Variants in LRRTM4 observed in about 807,000 individuals in gnomAD.
LRRTM4 encodes leucine-rich repeat transmembrane neuronal protein 4.
A neutral mutation model predicts 47.6 loss-of-function variants in LRRTM4; 25 were observed. The observed-to-expected ratio is 0.53, with a 90% CI of 0.38 to 0.73. The LOEUF is 0.73. Ranked by LOEUF, LRRTM4 falls within the 30% of genes least tolerant of loss-of-function variation. The pLI is 0.00. For synonymous variants in LRRTM4, 311 were observed against 269.5 expected (o/e 1.15, Z -1.51); for missense variants, 638 against 713.4 (o/e 0.89, Z 1.20).
chr2:77,109,704 A>G (rs1671194883), intron 3 of LRRTM4, among the ~76,000 whole-genome samples: 1 of 152,124 alleles, frequency 6.6e-6, no homozygotes, highest in African/African-American at 2.4e-5. Flanking sequence ...AAATAGTAAC[A>G]TAGAATTAAA....
At chr2:76,950,922 CA>C (rs1364934782) in intron 3 of LRRTM4, among the ~76,000 whole-genome samples, 1 of 151,976 alleles carries the variant, frequency 6.6e-6, no homozygotes, top group Non-Finnish European at 1.5e-5. Context: ...ATAAACCAGA[CA>C]GATGCATTCA....
chr2:77,114,136 G>C (rs1671325853), intron 3 of LRRTM4, among the ~76,000 whole-genome samples: 1 of 152,084 alleles, frequency 6.6e-6, no homozygotes, highest in African/African-American at 2.4e-5. Context: ...GAAAACTGTA[G>C]TAACTGCAGG....
intron 3 of LRRTM4, among the ~76,000 whole-genome samples, chr2:77,345,691 T>C (rs904025315): frequency 3.3e-5 from 5 of 151,968 alleles, no homozygotes; most frequent in East Asian, 1.9e-4. Context: ...CCCTCATGCA[T>C]TGCAGGTGGG....
At chr2:76,851,268 G>A (rs1671985905) in intron 3 of LRRTM4, among the ~76,000 whole-genome samples, 1 of 152,102 alleles carries the variant, frequency 6.6e-6, no homozygotes, top group Admixed American at 6.6e-5. Context: ...GTTTGGGTGG[G>A]TGCCACCACA....
chr2:77,190,780 CAG>C (rs1221431853), intron 3 of LRRTM4, among the ~76,000 whole-genome samples: 1 of 151,994 alleles, frequency 6.6e-6, no homozygotes, highest in Non-Finnish European at 1.5e-5. Flanking sequence ...ACAAAGCAAA[CAG>C]AATATGTGGG....
chr2:77,162,493 T>G (rs1016045603), intron 3 of LRRTM4, among the ~76,000 whole-genome samples: 6 of 152,046 alleles, frequency 3.9e-5, no homozygotes, highest in Non-Finnish European at 7.4e-5. Flanking sequence ...CAGCACAGAG[T>G]TTGAGATCTG....
rs1386905944 is a variant in LRRTM4 at position 76,918,568 on chromosome 2, A to C, written c.1552-169652T>G. ...TGTCCCCATGCAAAAATGTTTTTAA[A>C]AAGCAGCATTTCACATAAATGAGAG... On this transcript the variant is annotated intron_variant, in intron 3 of 3. Transcript: ENST00000409884. Among the ~76,000 whole-genome samples the C allele has an allele frequency of 2.6e-5, 4 of 152,194 alleles. No homozygotes were observed. The South Asian group carries it at 8.3e-4, about 32-fold the overall frequency.
intron 3 of LRRTM4, among the ~76,000 whole-genome samples, chr2:76,995,079 C>T (rs1243374203): frequency 1.3e-5 from 2 of 151,830 alleles, no homozygotes; most frequent in South Asian, 2.1e-4. Flanking sequence ...AAATTTGACT[C>T]AGGAAACTGA....
At chr2:76,897,692 A>G (rs1017627211) in intron 3 of LRRTM4, among the ~76,000 whole-genome samples, 9 of 152,110 alleles carry the variant, frequency 5.9e-5, no homozygotes, top group African/African-American at 1.9e-4. Context: ...GGCAAATACT[A>G]TTTTTTAATC....
rs559226069 is a variant in LRRTM4, at chr2:77,389,102, T to C, written c.1551+129216A>G. ...TTTAAGTTTTATGAAAATCATGTTATTAAGCATTAAAAAATGCTGAGAGAA... is the reference window on the plus strand; with the variant it reads ...TTTAAGTTTTATGAAAATCATGTTACTAAGCATTAAAAAATGCTGAGAGAA... On this transcript the variant is annotated intron_variant, in intron 3 of 3. Coordinates refer to ENST00000409884, the MANE Select transcript of LRRTM4 (RefSeq NM_001134745.3). Among the ~76,000 whole-genome samples, 125 of 152,226 alleles carry C rather than the reference T, an allele frequency of 8.2e-4. 1 individual carries two copies. The highest frequency in any genetic ancestry group is 2.9e-3 in the African/African-American group (120 of 41,576).
chr2:77,070,765 G>C (rs1285440395), intron 3 of LRRTM4, among the ~76,000 whole-genome samples: 3 of 152,000 alleles, frequency 2.0e-5, no homozygotes, highest in Admixed American at 6.6e-5. Flanking sequence ...TGAGTAGCTG[G>C]GACTACAGGC....
At chr2:76,783,259 A>G (rs910936377) in intron 3 of LRRTM4, among the ~76,000 whole-genome samples, 4 of 152,296 alleles carry the variant, frequency 2.6e-5, no homozygotes, top group East Asian at 1.9e-4. Context: ...TACGTTGGTG[A>G]TATCTGGGAA....
intron 3 of LRRTM4, among the ~76,000 whole-genome samples, chr2:76,797,656 A>G (rs1463666809): frequency 6.6e-6 from 1 of 151,648 alleles, no homozygotes; most frequent in Admixed American, 6.6e-5. Flanking sequence ...CTCCAATTAA[A>G]AGACACAGAC....
At chr2:77,222,968 G>C (rs916937464) in intron 3 of LRRTM4, among the ~76,000 whole-genome samples, 1 of 152,044 alleles carries the variant, frequency 6.6e-6, no homozygotes, top group Non-Finnish European at 1.5e-5. Flanking sequence ...ATAAAATACT[G>C]GCAAACTGAA....
chr2:77,494,357 A>G (rs1678280007), intron 3 of LRRTM4, among the ~76,000 whole-genome samples: 1 of 151,162 alleles, frequency 6.6e-6, no homozygotes, highest in Non-Finnish European at 1.5e-5. Context: ...TCTGTTACCA[A>G]CTCATTGTGA....
At chr2:77,352,066 G>T (rs1505227) in intron 3 of LRRTM4, among the ~76,000 whole-genome samples, 1 of 152,134 alleles carries the variant, frequency 6.6e-6, no homozygotes, top group African/African-American at 2.4e-5. Context: ...GTCATAATCC[G>T]TAGTCAATCA....
At chr2:76,815,368 T>A (rs995062204) in intron 3 of LRRTM4, among the ~76,000 whole-genome samples, 1 of 152,012 alleles carries the variant, frequency 6.6e-6, no homozygotes, top group Non-Finnish European at 1.5e-5. Context: ...AGAAGCGAGA[T>A]ATTCAAGTTT....
At chr2:77,119,087 T>C (rs1671461216) in intron 3 of LRRTM4, among the ~76,000 whole-genome samples, 1 of 151,820 alleles carries the variant, frequency 6.6e-6, no homozygotes, top group Non-Finnish European at 1.5e-5. Context: ...TGAAGGTTCA[T>C]CACTTTCAAA....
chr2:77,187,071 A>G (rs186564496), intron 3 of LRRTM4, among the ~76,000 whole-genome samples: 35 of 152,232 alleles, frequency 2.3e-4, no homozygotes, highest in African/African-American at 7.9e-4. Context: ...ACATGCACCC[A>G]TCTATGGCTG....
Sources: gnomAD v4.1 joint callset for allele counts (sites outside exome capture counted in the v4.1 genomes callset) on GRCh38, gnomAD v4.1.1 for gene constraint, MANE v1.5 for transcripts, NCBI Gene and HGNC (gene_info 2026-07-23, HGNC 2026-07-21) for gene names.